RBPJ: variants seen among roughly 807,000 people sequenced by gnomAD.
RBPJ encodes recombining binding protein suppressor of hairless.
In RBPJ, 9 loss-of-function variants were observed where a neutral mutation model predicts 67.8. The observed-to-expected ratio is 0.13, with a 90% confidence interval of 0.08 to 0.23. The LOEUF (loss-of-function observed/expected upper bound fraction) is 0.23. RBPJ is among the 10% of genes least tolerant of loss of function. The pLI is 1.00. For synonymous variants in RBPJ, 198 were observed against 203.3 expected (o/e 0.97, Z 0.22); for missense variants, 305 against 595.6 (o/e 0.51, Z 5.08).
At chr4:26,219,997 A>T (rs895919271) in intron 1 of RBPJ, among the ~76,000 whole-genome samples, 1 of 150,990 alleles carries the variant, frequency 6.6e-6, no homozygotes, top group Non-Finnish European at 1.5e-5. Flanking sequence ...GTTAGCCAGG[A>T]TGGTCTCTAT....
intron 1 of RBPJ, among the ~76,000 whole-genome samples, chr4:26,313,304 G>C (rs1000159612): frequency 3.3e-5 from 5 of 152,232 alleles, no homozygotes; most frequent in African/African-American, 1.2e-4. Flanking sequence ...GGCCGAGGTG[G>C]GCGGATCACC....
chr4:26,261,168 A>G (rs1359169823), intron 1 of RBPJ, among the ~76,000 whole-genome samples: 1 of 152,226 alleles, frequency 6.6e-6, no homozygotes, highest in African/African-American at 2.4e-5. Flanking sequence ...AACTGCAGGA[A>G]ATAGAACAAG....
At chr4:26,149,742 A>G in the RBPJ span, among the ~76,000 whole-genome samples, 1 of 152,360 alleles carries the variant, frequency 6.6e-6, no homozygotes, top group South Asian at 2.1e-4. Flanking sequence ...AACCATGAGA[A>G]GTAAATTTCT....
At chr4:26,405,378 T>C (rs1324165941) in intron 2 of RBPJ, among the ~76,000 whole-genome samples, 1 of 152,244 alleles carries the variant, frequency 6.6e-6, no homozygotes, top group African/African-American at 2.4e-5. Context: ...GGATTCTGCT[T>C]ATTCAGAATT....
intron 1 of RBPJ, among the ~76,000 whole-genome samples, chr4:26,175,840 C>T (rs1368657487): frequency 6.6e-6 from 1 of 152,180 alleles, no homozygotes; most frequent in Non-Finnish European, 1.5e-5. Context: ...AAATGCTCTC[C>T]CTATCTGAGC....
At chr4:26,112,755 CTTTT>C in the RBPJ span, 11 of 88,708 alleles carry the variant, frequency 1.2e-4, no homozygotes, top group African/African-American at 3.4e-4. Context: ...AAGGGAGAAT[CTTTT>C]TTTTTTTTTT....
chr4:26,233,700 T>C (rs1160655866), intron 1 of RBPJ, among the ~76,000 whole-genome samples: 1 of 152,226 alleles, frequency 6.6e-6, no homozygotes, highest in Admixed American at 6.5e-5. Flanking sequence ...CTATATGCCG[T>C]TATGCAAAGC....
At chr4:26,238,381 T>G (rs989029640) in intron 1 of RBPJ, among the ~76,000 whole-genome samples, 1 of 152,202 alleles carries the variant, frequency 6.6e-6, no homozygotes, top group Admixed American at 6.5e-5. Context: ...TCTTAACTTC[T>G]TTGAGCCTCA....
intron 1 of RBPJ, among the ~76,000 whole-genome samples, chr4:26,309,403 G>A (rs983910216): frequency 1.3e-5 from 2 of 152,182 alleles, no homozygotes; most frequent in Non-Finnish European, 2.9e-5. Context: ...TAACAAAACT[G>A]AACATGGGTA....
At chr4:26,113,092 ATCT>A in the RBPJ span, 3 of 175,536 alleles carry the variant, frequency 1.7e-5, no homozygotes, top group Admixed American at 5.6e-5. Context: ...AATATGGGAA[ATCT>A]TCTGTGACAG....
chr4:26,376,203 C>G (rs4289434), intron 1 of RBPJ, among the ~76,000 whole-genome samples: 70,050 of 152,002 alleles, frequency 0.46, 18,663 homozygotes, highest in Admixed American at 0.6. Flanking sequence ...TGTGAATGTA[C>G]TTAACCATCA....
At chr4:26,414,491 G>T in intron 3 of RBPJ, among the ~76,000 whole-genome samples, 1 of 152,052 alleles carries the variant, frequency 6.6e-6, no homozygotes, top group East Asian at 1.9e-4. Flanking sequence ...TTTATTGTAC[G>T]CGCCGTTCAC....
rs920446870 is a variant in RBPJ at position 26,244,302 on chromosome 4, T to C, written c.-167+80688T>C. Among the ~76,000 whole-genome samples, 6 of 148,568 alleles carry C rather than the reference T, an allele frequency of 4.0e-5. 1 individual carries two copies. On this transcript the variant is annotated intron_variant, in intron 1 of 4. Transcript: ENST00000512351. ...GTGTGTATATGTATACACATATGTG[T>C]ACACATATGTGTGTATATGTATACA...
intron 1 of RBPJ, among the ~76,000 whole-genome samples, chr4:26,372,648 T>A (rs1452495093): frequency 6.6e-6 from 1 of 152,196 alleles, no homozygotes; most frequent in Admixed American, 6.5e-5. Flanking sequence ...CTCTCAAGGC[T>A]TTCCCTCCTA....
intron 1 of RBPJ, among the ~76,000 whole-genome samples, chr4:26,285,778 A>G (rs1034544856): frequency 6.6e-6 from 1 of 151,852 alleles, no homozygotes; most frequent in African/African-American, 2.4e-5. Context: ...TTTTAATTCA[A>G]TCTTATGCAG....
intron 1 of RBPJ, among the ~76,000 whole-genome samples, chr4:26,223,563 G>C (rs1718985658): frequency 6.6e-6 from 1 of 152,252 alleles, no homozygotes; most frequent in South Asian, 2.1e-4. Context: ...GCCAGAAGCA[G>C]AGAAGAGTGA....
At chr4:26,410,087 G>A (rs1428746192) in intron 3 of RBPJ, 1 of 453,836 alleles carries the variant, frequency 2.2e-6, no homozygotes, top group Non-Finnish European at 4.4e-6. Flanking sequence ...CCCTCTGGAT[G>A]TCTGTCAAAC....
chr4:26,170,208 G>T (rs1388355027), intron 1 of RBPJ, among the ~76,000 whole-genome samples: 2 of 152,062 alleles, frequency 1.3e-5, no homozygotes, highest in East Asian at 3.9e-4. Context: ...TTCCTATTCG[G>T]CCATCTTGGC....
intron 1 of RBPJ, among the ~76,000 whole-genome samples, chr4:26,228,590 C>A (rs1719160626): frequency 6.6e-6 from 1 of 152,186 alleles, no homozygotes; most frequent in Non-Finnish European, 1.5e-5. Context: ...GTTTCTATAA[C>A]ATCTTCCAAA....
Sources: gnomAD v4.1 joint callset for allele counts (sites outside exome capture counted in the v4.1 genomes callset) on GRCh38, gnomAD v4.1.1 for gene constraint, MANE v1.5 for transcripts, NCBI Gene and HGNC (gene_info 2026-07-23, HGNC 2026-07-21) for gene names.